NFIB: variants seen among roughly 807,000 people sequenced by gnomAD.
NFIB encodes the protein nuclear factor I B.
Under a neutral mutation model 61.5 loss-of-function variants are expected in NFIB, and 11 were observed. That is an observed-to-expected ratio of 0.18 (90% CI 0.11 to 0.30). The LOEUF (loss-of-function observed/expected upper bound fraction) is 0.30. Ranked by LOEUF, NFIB falls within the 10% of genes least tolerant of loss-of-function variation. NFIB has a pLI of 1.00. For missense variants in NFIB, 471 were observed against 608.9 expected (o/e 0.77, Z 2.38); for synonymous variants, 260 against 216.5 (o/e 1.20, Z -1.76).
intron 1 of NFIB, among the ~76,000 whole-genome samples, chr9:14,363,855 A>G (rs1363782881): frequency 6.6e-6 from 1 of 152,114 alleles, no homozygotes; most frequent in Non-Finnish European, 1.5e-5. Context: ...ACATCTTTCC[A>G]TGTCAGTTGG....
the NFIB span, among the ~76,000 whole-genome samples, chr9:14,488,114 G>C: frequency 7.9e-5 from 12 of 152,194 alleles, 1 homozygote; most frequent in African/African-American, 2.9e-4. Flanking sequence ...TGGCTGGCTC[G>C]TGTCTGTAAT....
At chr9:14,458,164 C>T in the NFIB span, among the ~76,000 whole-genome samples, 1 of 152,152 alleles carries the variant, frequency 6.6e-6, no homozygotes, top group Non-Finnish European at 1.5e-5. Context: ...AAAACTTATC[C>T]ACCATGATCA....
At chr9:14,264,465 A>G (rs1175618511) in intron 2 of NFIB, among the ~76,000 whole-genome samples, 3 of 152,238 alleles carry the variant, frequency 2.0e-5, no homozygotes, top group Non-Finnish European at 2.9e-5. Context: ...AAACCAAAGG[A>G]ACCCCTACTC....
chr9:14,250,309 T>C (rs1226834196), intron 2 of NFIB, among the ~76,000 whole-genome samples: 1 of 152,172 alleles, frequency 6.6e-6, no homozygotes, highest in Admixed American at 6.5e-5. Context: ...TGGACAATAA[T>C]GTCCCCAGGT....
the NFIB span, among the ~76,000 whole-genome samples, chr9:14,426,369 C>T: frequency 1.3e-5 from 2 of 152,150 alleles, no homozygotes; most frequent in Non-Finnish European, 2.9e-5. Context: ...TTTTCTCATA[C>T]TTTTATGATG....
the NFIB span, among the ~76,000 whole-genome samples, chr9:14,501,201 G>T: frequency 6.6e-6 from 1 of 152,106 alleles, no homozygotes; most frequent in Non-Finnish European, 1.5e-5. Context: ...TTTTCCTTTT[G>T]TCTAAATGTG....
intron 2 of NFIB, among the ~76,000 whole-genome samples, chr9:14,200,213 A>T (rs1205954488): frequency 6.6e-6 from 1 of 152,228 alleles, no homozygotes; most frequent in East Asian, 1.9e-4. Context: ...CTTAAAATAT[A>T]GTAGTCAATG....
chr9:14,342,548 G>C (rs529209618), intron 1 of NFIB, among the ~76,000 whole-genome samples: 1 of 152,052 alleles, frequency 6.6e-6, no homozygotes, highest in African/African-American at 2.4e-5. Context: ...AGGAAGGCTC[G>C]TTTATTGAAC....
chr9:14,448,579 T>C, the NFIB span, among the ~76,000 whole-genome samples: 24,781 of 152,212 alleles, frequency 0.16, 2,192 homozygotes, highest in Non-Finnish European at 0.21. Context: ...AGGATTTTAA[T>C]GAATCTTTGG....
At chr9:14,128,351 C>A (rs2039956034) in intron 6 of NFIB, among the ~76,000 whole-genome samples, 1 of 152,130 alleles carries the variant, frequency 6.6e-6, no homozygotes, top group Non-Finnish European at 1.5e-5. Flanking sequence ...CTGGGTAAAT[C>A]AGTTTCTAAA....
chr9:14,462,411 C>T, the NFIB span, among the ~76,000 whole-genome samples: 2 of 151,878 alleles, frequency 1.3e-5, no homozygotes, highest in South Asian at 4.2e-4. Flanking sequence ...GCCTCCCCAG[C>T]AGCAGGGACT....
intron 2 of NFIB, among the ~76,000 whole-genome samples, chr9:14,193,873 T>A (rs1347442495): frequency 6.6e-6 from 1 of 152,160 alleles, no homozygotes; most frequent in Non-Finnish European, 1.5e-5. Flanking sequence ...TGGATAGAAC[T>A]AACAGGATGA....
At chr9:14,370,851 T>C (rs151205708) in intron 1 of NFIB, among the ~76,000 whole-genome samples, 3 of 152,186 alleles carry the variant, frequency 2.0e-5, no homozygotes, top group Non-Finnish European at 4.4e-5. Context: ...TTCCAGCAGT[T>C]TGGGAGGCCG....
chr9:14,125,490 T>G, intron 7 of NFIB, 142 bp downstream of exon 7: 1 of 1,187,652 alleles, frequency 8.4e-7, no homozygotes, highest in South Asian at 1.6e-5. Context: ...GAAAAAATAC[T>G]TGATCGGATT....
the NFIB span, among the ~76,000 whole-genome samples, chr9:14,496,588 A>C: frequency 6.6e-6 from 1 of 152,152 alleles, no homozygotes; most frequent in Admixed American, 6.5e-5. Flanking sequence ...GCTCCATCTT[A>C]GTTGTCATTA....
At chr9:14,365,049 A>C (rs76298293) in intron 1 of NFIB, among the ~76,000 whole-genome samples, 1 of 152,218 alleles carries the variant, frequency 6.6e-6, no homozygotes, top group Admixed American at 6.5e-5. Flanking sequence ...AGGCCTAACA[A>C]TAGTTCCAAT....
chr9:14,450,786 A>G, the NFIB span, among the ~76,000 whole-genome samples: 2 of 152,224 alleles, frequency 1.3e-5, no homozygotes, highest in Non-Finnish European at 2.9e-5. Context: ...TCAACCGGCC[A>G]TGAAGTATCT....
the NFIB span, among the ~76,000 whole-genome samples, chr9:14,482,192 A>G: frequency 6.6e-6 from 1 of 152,064 alleles, no homozygotes; most frequent in South Asian, 2.1e-4. Flanking sequence ...TAGTTCACGA[A>G]TCCCATCTCT....
At position 14,291,349 on chromosome 9, in the gene NFIB, G is replaced by A. The variant is rs376854694; in HGVS notation, c.562+15640C>T. Among the ~76,000 whole-genome samples the A allele has an allele frequency of 3.9e-5, 6 of 152,044 alleles. No homozygotes were observed. In the East Asian group the frequency reaches 7.7e-4, roughly 20 times the overall value. ...AAAATACAAAAATTAGCCAGGTGTG[G>A]TGGTATGCACCTGTAATCCCAGCTA... On this transcript the variant is annotated intron_variant, in intron 2 of 10. Coordinates refer to ENST00000380953, the MANE Select transcript of NFIB (RefSeq NM_001190737.2).
Sources: allele counts gnomAD v4.1 joint callset (sites outside exome capture counted in the v4.1 genomes callset), GRCh38; gene constraint gnomAD v4.1.1; transcripts MANE v1.5; gene names NCBI Gene and HGNC (gene_info 2026-07-23, HGNC 2026-07-21).